Variants in MGAT5B observed in about 807,000 individuals in gnomAD.
The protein encoded by MGAT5B is alpha-1,6-mannosylglycoprotein 6-beta-N-acetylglucosaminyltransferase B, also known as N-acetylglucosaminyl-transferase Vb.
In MGAT5B, 54 loss-of-function variants were observed where a neutral mutation model predicts 95.1. The observed-to-expected ratio is 0.57, with a 90% CI of 0.46 to 0.71. MGAT5B has a LOEUF of 0.71. MGAT5B is among the 30% of genes least tolerant of loss of function. MGAT5B has a pLI of 0.00. For synonymous variants in MGAT5B, 464 were observed against 451.0 expected (o/e 1.03, Z -0.36); for missense variants, 935 against 1,088.6 (o/e 0.86, Z 1.99).
At chr17:76,926,554 G>A (rs12450749) in intron 9 of MGAT5B, 43 bp from the exon 10 acceptor site, 1,163,875 of 1,571,818 alleles carry the variant, frequency 0.74, 433,511 homozygotes, top group Admixed American at 0.8. Flanking sequence ...AGGGACACAC[G>A]GGGAGGTTGC....
chr17:76,879,891 TGA>T (rs1967343189), intron 2 of MGAT5B, among the ~76,000 whole-genome samples: 1 of 152,234 alleles, frequency 6.6e-6, no homozygotes. Context: ...GCCCAAGTTA[TGA>T]GCGATGGCTC....
chr17:76,925,142 G>A (rs1969263458), intron 9 of MGAT5B, 45 bp downstream of exon 9: 3 of 1,607,356 alleles, frequency 1.9e-6, no homozygotes, highest in Non-Finnish European at 2.5e-6. Flanking sequence ...ACATGCCAGG[G>A]GAGAAAGCTC....
In MGAT5B at chr17:76,869,250, G is replaced by A. The variant is rs1309461943; in HGVS notation, c.68+153G>A. ...ACCAGTGGGGCTGGGCTGGGGGAACGGATGGCGTTGGGGTTCGGGGTGCGG... is the reference window on the plus strand; with the variant it reads ...ACCAGTGGGGCTGGGCTGGGGGAACAGATGGCGTTGGGGTTCGGGGTGCGG... On this transcript the variant is annotated intron_variant, in intron 1 of 17. Transcript: ENST00000569840. This position sits in a 1 kb window ranked among gnomAD's most constrained non-coding sequence, Gnocchi z 7.0. Among the ~76,000 whole-genome samples the A allele has an allele frequency of 6.6e-6, 1 of 152,040 alleles. No individual in the cohort carries two copies. Among genetic ancestry groups the A allele is most frequent in the Non-Finnish European group, 1.5e-5 (1 of 67,998 alleles).
At position 76,930,199 on chromosome 17, in the gene MGAT5B, G is replaced by C. The variant is rs565020956; in HGVS notation, c.1292-2446G>C. Among the ~76,000 whole-genome samples the C allele has an allele frequency of 1.3e-5, 2 of 151,550 alleles. No homozygotes were observed. On this transcript the variant is annotated intron_variant, in intron 10 of 17. Transcript: ENST00000569840. The surrounding 1 kb of genome is among the most constrained non-coding windows in gnomAD (Gnocchi z 4.1). ...GGAGAGATCGTTTGGTTCTGTAGTT[G>C]AATTTTCAGGCCCAAGAATCTGTGA...
intron 3 of MGAT5B, among the ~76,000 whole-genome samples, chr17:76,891,477 T>C (rs968970174): frequency 1.3e-5 from 2 of 151,916 alleles, no homozygotes; most frequent in Admixed American, 1.3e-4. Context: ...CCTTCTGGGT[T>C]CAAGCGATTC....
intron 15 of MGAT5B, among the ~76,000 whole-genome samples, chr17:76,943,318 G>T (rs1969924200): frequency 6.6e-6 from 1 of 152,036 alleles, no homozygotes. Flanking sequence ...TTTGTGCTGG[G>T]CCCCAAACCA....
In MGAT5B at chr17:76,903,787, G is replaced by A. The variant is rs141088251; in HGVS notation, c.519+411G>A. Among the ~76,000 whole-genome samples the A allele has an allele frequency of 1.8e-4, 28 of 152,340 alleles. No homozygotes were observed. In the Middle Eastern group the frequency reaches 0.01, roughly 56 times the overall value. On this transcript the variant is annotated intron_variant, in intron 5 of 17. Transcript: ENST00000569840. ...AGTCAGCTCCCCACTGGTTCTGAAC[G>A]CCCTAAGGGGTGGGCGGTGGTGCCG...
chr17:76,880,377 C>G (rs759246963), intron 2 of MGAT5B, among the ~76,000 whole-genome samples: 1 of 152,188 alleles, frequency 6.6e-6, no homozygotes, highest in Non-Finnish European at 1.5e-5. Flanking sequence ...GCAGGGGAGC[C>G]CAGCCAGGGG....
rs1309840399 is a variant in MGAT5B at position 76,940,585 on chromosome 17, G to T, written c.1731+37G>T. On this transcript the variant is annotated intron_variant, in intron 14 of 17. Transcript: ENST00000569840. This position sits in a 1 kb window ranked among gnomAD's most constrained non-coding sequence, Gnocchi z 4.3. ...GCATCCTGGTCCCCGATCAGGAGGG[G>T]CCGGGACAGAGACCCCTGCAGGTCC... The T allele has an allele frequency of 6.3e-7, 1 of 1,592,532 alleles. No individual in the cohort carries two copies. The highest frequency in any genetic ancestry group is 1.1e-5 in the South Asian group (1 of 88,692).
At chr17:76,872,792 G>C (rs1967054797) in intron 1 of MGAT5B, 59 bp from the exon 2 acceptor site, 1 of 1,613,798 alleles carries the variant, frequency 6.2e-7, no homozygotes, top group South Asian at 1.1e-5. Context: ...GTACGTGGTG[G>C]AGCGTCAGGG....
At chr17:76,883,618 A>C (rs1598900137) in intron 3 of MGAT5B, among the ~76,000 whole-genome samples, 2 of 152,146 alleles carry the variant, frequency 1.3e-5, no homozygotes, top group African/African-American at 4.8e-5. Flanking sequence ...CTTTGACCCC[A>C]CCCTATTCCA....
chr17:76,885,351 T>G (rs779870585), intron 3 of MGAT5B, among the ~76,000 whole-genome samples: 13 of 152,344 alleles, frequency 8.5e-5, no homozygotes, highest in Middle Eastern at 3.4e-3. Context: ...GCGGTGCCTC[T>G]GATGCAGCCT....
chr17:76,921,156 G>A (rs1969112491), intron 8 of MGAT5B, among the ~76,000 whole-genome samples: 2 of 152,162 alleles, frequency 1.3e-5, no homozygotes, highest in African/African-American at 2.4e-5. Context: ...TCTAGACCCA[G>A]GGAACAGTTT....
chr17:76,887,092 A>G (rs534754968), intron 3 of MGAT5B, among the ~76,000 whole-genome samples: 1 of 152,220 alleles, frequency 6.6e-6, no homozygotes, highest in South Asian at 2.1e-4. Flanking sequence ...TCCCCAGTTT[A>G]TGTCTTAAGC....
chr17:76,868,949 TG>T lies in MGAT5B; in HGVS notation c.-79del. The T allele has an allele frequency of 1.4e-6, 2 of 1,423,396 alleles. No individual in the cohort carries two copies. Among genetic ancestry groups the T allele is most frequent in the Non-Finnish European group, 2.0e-6 (2 of 1,014,160 alleles). 88.2% of individuals were successfully genotyped at this position (1,423,396 alleles called of 1,614,324 possible). ...GCGGCTTCGGCCCGCAGAGGGTTCG[TG>T]GCCCGGACGCGGCGAGAGCTGGGCC... On this transcript the variant is annotated 5_prime_UTR_variant, in exon 1 of 18. Coordinates refer to ENST00000569840, the MANE Select transcript of MGAT5B (RefSeq NM_001199172.2). The surrounding 1 kb of genome is among the most constrained non-coding windows in gnomAD (Gnocchi z 6.3).
intron 2 of MGAT5B, among the ~76,000 whole-genome samples, chr17:76,873,483 C>G (rs931732257): frequency 2.0e-5 from 3 of 152,206 alleles, no homozygotes; most frequent in Non-Finnish European, 4.4e-5. Flanking sequence ...TCTGGTGGGT[C>G]TGGGCTTGCA....
intron 15 of MGAT5B, among the ~76,000 whole-genome samples, chr17:76,943,035 C>CCCCCCCCA (rs1199772313): frequency 7.6e-6 from 1 of 130,906 alleles, no homozygotes; most frequent in Admixed American, 7.1e-5. Flanking sequence ...GGATAACTTG[C>CCCCCCCCA]CCCCCCGGGA....
chr17:76,888,108 A>C (rs1429288460), intron 3 of MGAT5B, among the ~76,000 whole-genome samples: 3 of 152,034 alleles, frequency 2.0e-5, no homozygotes, highest in Non-Finnish European at 2.9e-5. Context: ...TGCTCCTTTT[A>C]ACAGGGGGAG....
chr17:76,888,262 A>G (rs1370676883), intron 3 of MGAT5B, among the ~76,000 whole-genome samples: 6 of 151,892 alleles, frequency 4.0e-5, no homozygotes, highest in African/African-American at 1.5e-4. Context: ...AGCAGAAGAG[A>G]GCAGTGCGAA....
Sources: gnomAD v4.1 joint callset for allele counts (sites outside exome capture counted in the v4.1 genomes callset) on GRCh38, gnomAD v4.1.1 for gene constraint, Gnocchi (gnomAD v3.1) non-coding constraint, MANE v1.5 for transcripts, NCBI Gene and HGNC (gene_info 2026-07-23, HGNC 2026-07-21) for gene names.